GSDME: variants seen among roughly 807,000 people sequenced by gnomAD.
GSDME encodes gasdermin E, also known as gasdermin-E.
Under a neutral mutation model 47.5 loss-of-function variants are expected in GSDME, and 44 were observed. That is an observed-to-expected ratio of 0.93 (90% CI 0.73 to 1.19). GSDME has a LOEUF of 1.19. Among genes scored for constraint, GSDME ranks in the 50% most tolerant of loss-of-function variants. The pLI, the probability that GSDME is intolerant of heterozygous loss-of-function variation, is 0.00. For missense variants in GSDME, 663 were observed against 604.2 expected, an observed-to-expected ratio of 1.10 and a Z score of -1.02; for synonymous variants, 258 against 252.8, an observed-to-expected ratio of 1.02 and a Z score of -0.20.
the GSDME span, among the ~76,000 whole-genome samples, chr7:24,777,305 G>A: frequency 6.6e-6 from 1 of 152,132 alleles, no homozygotes; most frequent in Non-Finnish European, 1.5e-5. Context: ...ATCTGGCCCC[G>A]TATATTATCC....
the GSDME span, among the ~76,000 whole-genome samples, chr7:24,767,544 T>C: frequency 3.3e-5 from 5 of 152,174 alleles, no homozygotes; most frequent in Non-Finnish European, 7.4e-5. This position sits in a 1 kb window ranked among gnomAD's most constrained non-coding sequence, Gnocchi z 5.3. Context: ...TAGAAGTCTG[T>C]TTTTCTAAAA....
intron 5 of GSDME, 40 bp from the exon 6 acceptor site, chr7:24,710,428 G>T: frequency 6.2e-7 from 1 of 1,610,046 alleles, no homozygotes; most frequent in Non-Finnish European, 8.5e-7. Flanking sequence ...GTAAAGTTGA[G>T]TCTAAGGTGT....
At chr7:24,702,433 C>T in intron 9 of GSDME, 1 of 361,774 alleles carries the variant, frequency 2.8e-6, no homozygotes, top group South Asian at 2.1e-5. Flanking sequence ...AATATGGTGT[C>T]AGGCCCCTTT....
At chr7:24,789,357 G>C in the GSDME span, among the ~76,000 whole-genome samples, 1 of 152,002 alleles carries the variant, frequency 6.6e-6, no homozygotes, top group East Asian at 1.9e-4. Context: ...GGCTTTATTC[G>C]GCTGGGAGCA....
rs1789928944 is a variant in GSDME, at chr7:24,725,297, G to C, written c.405-6079C>G. 6.6e-6 allele frequency among the ~76,000 whole-genome samples: 1 copy of C among 152,142 alleles called. No homozygotes were observed. The highest frequency in any genetic ancestry group is 1.5e-5 in the Non-Finnish European group (1 of 68,026). On this transcript the variant is annotated intron_variant, in intron 3 of 9. Coordinates refer to ENST00000645220, the MANE Select transcript of GSDME (RefSeq NM_001127453.2). The surrounding 1 kb of genome is among the most constrained non-coding windows in gnomAD (Gnocchi z 5.1). Reference sequence around the variant, plus strand: ...CACACTCTACCCAGCAGATGGCAGGGGCTCTGTAAATGTTTTTTTCCTTCC... The same window carrying C: ...CACACTCTACCCAGCAGATGGCAGGCGCTCTGTAAATGTTTTTTTCCTTCC...
At chr7:24,729,744 G>C (rs986344380) in intron 3 of GSDME, among the ~76,000 whole-genome samples, 1 of 152,232 alleles carries the variant, frequency 6.6e-6, no homozygotes, top group Non-Finnish European at 1.5e-5. Flanking sequence ...GGCAACTGGT[G>C]AGAGATTAGG....
chr7:24,723,895 A>G (rs1238267637), intron 3 of GSDME, among the ~76,000 whole-genome samples: 2 of 152,244 alleles, frequency 1.3e-5, no homozygotes, highest in South Asian at 2.1e-4. Context: ...AATCCTTATC[A>G]GAATATCCAT....
At chr7:24,791,111 G>T in the GSDME span, among the ~76,000 whole-genome samples, 1 of 152,034 alleles carries the variant, frequency 6.6e-6, no homozygotes. This position sits in a 1 kb window ranked among gnomAD's most constrained non-coding sequence, Gnocchi z 4.8. Flanking sequence ...CAGGTGCTGC[G>T]GGTTTCATGG....
chr7:24,750,943 CT>C (rs1172241660), intron 1 of GSDME, among the ~76,000 whole-genome samples: 1 of 152,142 alleles, frequency 6.6e-6, no homozygotes, highest in Non-Finnish European at 1.5e-5. Context: ...AACTGAATTC[CT>C]CTCCCATACC....
the GSDME span, among the ~76,000 whole-genome samples, chr7:24,793,365 T>C: frequency 6.6e-6 from 1 of 152,254 alleles, no homozygotes; most frequent in African/African-American, 2.4e-5. Flanking sequence ...TTAGCTAATA[T>C]GTTTATACAC....
At position 24,705,403 on chromosome 7, in the gene GSDME, GTC is replaced by G. The variant is rs775458208; in HGVS notation, c.1183+779_1183+780del. 2.0e-5 allele frequency: 3 copies of G among 152,538 alleles called. No homozygotes were observed. Among genetic ancestry groups the G allele is most frequent in the Non-Finnish European group, 4.4e-5 (3 of 68,320 alleles). 9.4% of individuals were successfully genotyped at this position (152,538 alleles called of 1,614,324 possible). On this transcript the variant is annotated intron_variant, in intron 8 of 9. Coordinates refer to ENST00000645220, the MANE Select transcript of GSDME (RefSeq NM_001127453.2). The surrounding 1 kb of genome is among the most constrained non-coding windows in gnomAD (Gnocchi z 4.1). ...TTCTTTAAAAACTGAAGATTACTGG[GTC>G]TGTTTCTGTGTGGTGCTAGGGAGGA... is the stretch of plus-strand genomic sequence containing the variant.
intron 3 of GSDME, among the ~76,000 whole-genome samples, chr7:24,740,008 G>A (rs1790435338): frequency 6.6e-6 from 1 of 151,880 alleles, no homozygotes; most frequent in Non-Finnish European, 1.5e-5. Flanking sequence ...CTGGAGAACT[G>A]CTTGACCCTG....
chr7:24,771,978 G>C, the GSDME span, among the ~76,000 whole-genome samples: 2 of 152,204 alleles, frequency 1.3e-5, no homozygotes, highest in African/African-American at 4.8e-5. This position sits in a 1 kb window ranked among gnomAD's most constrained non-coding sequence, Gnocchi z 4.1. Context: ...CAGTCCCCTT[G>C]TCTTCAGTTC....
intron 6 of GSDME, among the ~76,000 whole-genome samples, chr7:24,709,415 T>C (rs1789256050): frequency 1.3e-5 from 2 of 152,126 alleles, no homozygotes; most frequent in South Asian, 4.1e-4. Context: ...TAGGAAAGCC[T>C]TATATTAAAA....
the GSDME span, among the ~76,000 whole-genome samples, chr7:24,782,292 C>T: frequency 6.7e-6 from 1 of 149,994 alleles, no homozygotes; most frequent in East Asian, 2.0e-4. Context: ...GTTCAATTCC[C>T]ACCTATGAGT....
chr7:24,715,504 G>A (rs181898728), intron 5 of GSDME: 8 of 470,820 alleles, frequency 1.7e-5, no homozygotes, highest in Admixed American at 9.4e-5. Context: ...AGTAAGCTGC[G>A]GGGGAGTGAC....
rs3038357 is a variant in GSDME, at chr7:24,744,984, CGTGTGTGTGTGTGTGTGTGTGTGTGTGT to C, written c.212-258_212-231del. Among the ~76,000 whole-genome samples the C allele has an allele frequency of 9.4e-4, 112 of 119,068 alleles. 1 individual carries two copies. Among genetic ancestry groups the C allele is most frequent in the African/African-American group, 3.4e-3 (109 of 32,250 alleles). The allele number at this position is 119,068 out of a possible 152,430, so 78.1% of individuals were successfully genotyped here. A position where few individuals can be genotyped will look rare whatever the true frequency, so the allele number is the denominator to read the frequency against. ...GGGCACACAGTGGACCAGTGCAGCA[CGTGTGTGTGTGTGTGTGTGTGTGTGTGT>C]GTGTGTGTGTGTGTGTGTGTGTGGA... On this transcript the variant is annotated intron_variant, in intron 2 of 9. Transcript: ENST00000645220. The surrounding 1 kb of genome is among the most constrained non-coding windows in gnomAD (Gnocchi z 4.5).
chr7:24,739,870 G>A lies in GSDME; in HGVS notation c.404+4692C>T, dbSNP rs908439097. 1.1e-4 allele frequency among the ~76,000 whole-genome samples: 17 copies of A among 152,108 alleles called. No individual in the cohort carries two copies. Among genetic ancestry groups the A allele is most frequent in the Non-Finnish European group, 2.2e-4 (15 of 68,006 alleles). On this transcript the variant is annotated intron_variant, in intron 3 of 9. Coordinates refer to ENST00000645220, the MANE Select transcript of GSDME (RefSeq NM_001127453.2). The surrounding 1 kb of genome is among the most constrained non-coding windows in gnomAD (Gnocchi z 5.1). The stretch of plus-strand genomic sequence containing the variant: ...AGCACTTTGGGAGGCTAAGGCAGGC[G>A]GATCACGAGGTCAGGAGTTCAAGAC...
intron 2 of GSDME, among the ~76,000 whole-genome samples, chr7:24,747,881 T>A (rs1240230560): frequency 6.6e-6 from 1 of 151,954 alleles, no homozygotes; most frequent in Non-Finnish European, 1.5e-5. Context: ...TTGCCCAGGC[T>A]AGCCTCAAAC....
Sources: gnomAD v4.1 joint callset for allele counts (sites outside exome capture counted in the v4.1 genomes callset) on GRCh38, gnomAD v4.1.1 for gene constraint, Gnocchi (gnomAD v3.1) non-coding constraint, MANE v1.5 for transcripts, NCBI Gene and HGNC (gene_info 2026-07-23, HGNC 2026-07-21) for gene names.